Variants in MAML3 observed in about 807,000 individuals in gnomAD.
The protein encoded by MAML3 is mastermind like transcriptional coactivator 3, also known as mastermind-like protein 3.
A neutral mutation model predicts 101.9 loss-of-function variants in MAML3; 27 were observed. The ratio of observed to expected loss-of-function variants is 0.27; its 90% CI spans 0.20 to 0.37. MAML3 has a LOEUF of 0.37. MAML3 is among the 10% of genes least tolerant of loss of function. The pLI is 1.00. For synonymous variants in MAML3, 501 were observed against 555.9 expected (o/e 0.90, Z 1.39); for missense variants, 1,316 against 1,444.9 (o/e 0.91, Z 1.45).
At chr4:140,027,739 T>G (rs774983727) in intron 1 of MAML3, among the ~76,000 whole-genome samples, 151 of 152,350 alleles carry the variant, frequency 9.9e-4, no homozygotes, top group Non-Finnish European at 3.1e-4. Flanking sequence ...CAGTTTTCAA[T>G]CAATTTGACA....
At chr4:139,924,228 A>G (rs781310897) in intron 1 of MAML3, among the ~76,000 whole-genome samples, 57 of 152,338 alleles carry the variant, frequency 3.7e-4, no homozygotes, top group Non-Finnish European at 6.8e-4. Context: ...AAATCACAGA[A>G]GGAAATTCTA....
intron 1 of MAML3, among the ~76,000 whole-genome samples, chr4:139,993,413 A>G (rs1734719494): frequency 6.6e-6 from 1 of 151,276 alleles, no homozygotes; most frequent in Non-Finnish European, 1.5e-5. Flanking sequence ...TACATTCTGG[A>G]TAAAAGTCCT....
rs1055330918 is a variant in MAML3 at position 139,856,990 on chromosome 4, C to T, written c.2079+32367G>A. ...AGGAAATCCAAGAAAGAAAAAGTCACGAAAACAAAACATAAAAGAAGATAA... is the reference window on the plus strand; with the variant it reads ...AGGAAATCCAAGAAAGAAAAAGTCATGAAAACAAAACATAAAAGAAGATAA... On this transcript the variant is annotated intron_variant, in intron 2 of 4. Coordinates refer to ENST00000509479, the MANE Select transcript of MAML3 (RefSeq NM_018717.5). Among the ~76,000 whole-genome samples the T allele has an allele frequency of 1.4e-4, 22 of 152,056 alleles. 1 individual carries two copies. The highest frequency in any genetic ancestry group is 2.2e-4 in the African/African-American group (9 of 41,452).
At chr4:140,057,465 A>G (rs1410944421) in intron 1 of MAML3, among the ~76,000 whole-genome samples, 1 of 152,210 alleles carries the variant, frequency 6.6e-6, no homozygotes, top group East Asian at 1.9e-4. Flanking sequence ...TGGCTAAGAT[A>G]ATATTTTATC....
chr4:139,785,982 C>A lies in MAML3; in HGVS notation c.2080-55315G>T, dbSNP rs1730297927. On this transcript the variant is annotated intron_variant, in intron 2 of 4. Transcript: ENST00000509479. The surrounding 1 kb of genome is among the most constrained non-coding windows in gnomAD (Gnocchi z 4.3). The stretch of plus-strand genomic sequence containing the variant: ...AAATTCATATGTTGAAGTCCTAACC[C>A]CCAATATCTCAGAATGTGACTGTAT... Among the ~76,000 whole-genome samples, 1 of 151,908 alleles carries A rather than the reference C, an allele frequency of 6.6e-6. No homozygotes were observed. The highest frequency in any genetic ancestry group is 1.5e-5 in the Non-Finnish European group (1 of 68,010).
intron 4 of MAML3, among the ~76,000 whole-genome samples, chr4:139,723,299 G>A (rs774845781): frequency 1.3e-5 from 2 of 152,088 alleles, no homozygotes; most frequent in Non-Finnish European, 1.5e-5. Flanking sequence ...TTTAATTTTT[G>A]TCTCTGGTTT....
intron 2 of MAML3, among the ~76,000 whole-genome samples, chr4:139,836,645 G>A (rs974438699): frequency 2.0e-5 from 3 of 152,058 alleles, no homozygotes; most frequent in Admixed American, 1.3e-4. Context: ...ATAGAATGGC[G>A]AGGGGCCTTT....
intron 1 of MAML3, among the ~76,000 whole-genome samples, chr4:139,929,777 T>C (rs1467812810): frequency 6.6e-6 from 1 of 152,196 alleles, no homozygotes; most frequent in Non-Finnish European, 1.5e-5. Flanking sequence ...GAGCTAAATG[T>C]GTTCATGTGT....
chr4:140,117,430 A>G (rs1171653416), intron 1 of MAML3, among the ~76,000 whole-genome samples: 1 of 152,144 alleles, frequency 6.6e-6, no homozygotes, highest in Non-Finnish European at 1.5e-5. Context: ...TACTCTAACT[A>G]TATAACTTTA....
At chr4:139,776,883 T>C (rs922670765) in intron 2 of MAML3, among the ~76,000 whole-genome samples, 11 of 152,144 alleles carry the variant, frequency 7.2e-5, no homozygotes, top group African/African-American at 2.7e-4. Flanking sequence ...CAAAATGGCA[T>C]GTAAAAAACT....
At chr4:140,139,273 C>CT (rs951283789) in intron 1 of MAML3, among the ~76,000 whole-genome samples, 7 of 151,430 alleles carry the variant, frequency 4.6e-5, no homozygotes, top group Admixed American at 2.0e-4. Context: ...TCCCTGTTGT[C>CT]TTTTTTTTTC....
At position 139,846,627 on chromosome 4, in the gene MAML3, C is replaced by T. The variant is rs181202389; in HGVS notation, c.2079+42730G>A. On this transcript the variant is annotated intron_variant, in intron 2 of 4. Transcript: ENST00000509479. ...CCTCCCAAAGTGCAGGGATTACAGA[C>T]GTGAGCCACCATGCCCAGACTAAAG... Among the ~76,000 whole-genome samples, 9 of 152,306 alleles carry T rather than the reference C, an allele frequency of 5.9e-5. No individual in the cohort carries two copies. In the East Asian group the frequency reaches 7.7e-4, roughly 13 times the overall value.
At chr4:140,102,209 T>C (rs35676415) in intron 1 of MAML3, among the ~76,000 whole-genome samples, 27,711 of 152,234 alleles carry the variant, frequency 0.18, 3,064 homozygotes, top group Middle Eastern at 0.35. Flanking sequence ...TACATTATGT[T>C]GTTTATTCTC....
chr4:139,777,698 C>T (rs557505339), intron 2 of MAML3, among the ~76,000 whole-genome samples: 1 of 152,310 alleles, frequency 6.6e-6, no homozygotes, highest in South Asian at 2.1e-4. Context: ...AGCCCGGGTG[C>T]TTTTTAGAGC....
chr4:139,788,419 A>G (rs1250417823), intron 2 of MAML3, among the ~76,000 whole-genome samples: 1 of 152,220 alleles, frequency 6.6e-6, no homozygotes, highest in Non-Finnish European at 1.5e-5. Context: ...TTAGATACCA[A>G]GAGAAAGATA....
intron 2 of MAML3, among the ~76,000 whole-genome samples, chr4:139,772,299 C>T (rs1242149257): frequency 6.9e-6 from 1 of 144,624 alleles, no homozygotes; most frequent in East Asian, 2.1e-4. Context: ...TCAGGTGTAG[C>T]TCTTGCTTTC....
chr4:139,964,055 A>G (rs1279976808), intron 1 of MAML3, among the ~76,000 whole-genome samples: 1 of 152,224 alleles, frequency 6.6e-6, no homozygotes, highest in African/African-American at 2.4e-5. Context: ...TGAAAAACAT[A>G]TTTTTAAAAA....
intron 2 of MAML3, among the ~76,000 whole-genome samples, chr4:139,800,542 AT>A (rs1465004873): frequency 7.9e-5 from 12 of 152,148 alleles, no homozygotes; most frequent in Non-Finnish European, 1.3e-4. Context: ...GCAGAGAGAG[AT>A]TTTCAAAAGA....
intron 2 of MAML3, chr4:139,888,614 T>C (rs1436597446): frequency 3.9e-6 from 2 of 519,050 alleles, no homozygotes; most frequent in Non-Finnish European, 7.7e-6. Flanking sequence ...TTTTTTACCA[T>C]GCATACCAAG....
Sources: allele counts gnomAD v4.1 joint callset (sites outside exome capture counted in the v4.1 genomes callset), GRCh38; gene constraint gnomAD v4.1.1; non-coding constraint Gnocchi (gnomAD v3.1); transcripts MANE v1.5; gene names NCBI Gene and HGNC (gene_info 2026-07-23, HGNC 2026-07-21).